The following RNF150 variants were observed in gnomAD, a reference collection of about 807,000 sequenced individuals.
RNF150 encodes ring finger protein 150.
RNF150 carries 24 observed loss-of-function variants against 39.3 expected under a neutral mutation model. The ratio of observed to expected loss-of-function variants is 0.61; its 90% CI spans 0.44 to 0.86. RNF150 has a LOEUF of 0.86. Ranked by LOEUF, RNF150 falls within the 40% of genes least tolerant of loss-of-function variation. The pLI is 0.00. For synonymous variants in RNF150, 255 were observed against 227.3 expected, an observed-to-expected ratio of 1.12 and a Z score of -1.10; for missense variants, 502 against 587.8, an observed-to-expected ratio of 0.85 and a Z score of 1.51.
chr4:141,052,620 C>T (rs964511977), intron 1 of RNF150, among the ~76,000 whole-genome samples: 4 of 152,178 alleles, frequency 2.6e-5, no homozygotes, highest in African/African-American at 9.7e-5. Flanking sequence ...AGGTGATCCA[C>T]CTGCCTTGGC....
chr4:140,869,968 G>A (rs193231953), intron 6 of RNF150, among the ~76,000 whole-genome samples: 15 of 152,220 alleles, frequency 9.9e-5, no homozygotes, highest in Non-Finnish European at 8.8e-5. Flanking sequence ...CAACAAAAAT[G>A]TATAAGTACT....
At chr4:141,030,655 G>A (rs997379487) in intron 1 of RNF150, among the ~76,000 whole-genome samples, 6 of 152,146 alleles carry the variant, frequency 3.9e-5, no homozygotes, top group African/African-American at 1.4e-4. Flanking sequence ...ACACATGATT[G>A]TCAAGTGTTA....
At chr4:141,089,753 T>TGGAATATTTACCAAATTATACCC (rs1738507389) in intron 1 of RNF150, among the ~76,000 whole-genome samples, 1 of 152,220 alleles carries the variant, frequency 6.6e-6, no homozygotes, top group African/African-American at 2.4e-5. Flanking sequence ...TCTCTAATCT[T>TGGAATATTTACCAAATTATACCC]GGAATATTTA....
chr4:141,132,599 C>T lies in RNF150; in HGVS notation c.210G>A (p.Glu70=). The T allele has an allele frequency of 1.3e-6, 2 of 1,563,518 alleles. No individual in the cohort carries two copies. Among genetic ancestry groups the T allele is most frequent in the South Asian group, 1.2e-5 (1 of 85,168 alleles). The change falls in exon 1 of 7, where the codon GAG becomes GAA. Residue 70 remains glutamate, a synonymous_variant. Coordinates refer to ENST00000515673, the MANE Select transcript of RNF150 (RefSeq NM_020724.2). The surrounding 1 kb of genome is among the most constrained non-coding windows in gnomAD (Gnocchi z 4.9). ...CTCCGTAGCGCCCGCACTCCGTCTTCTCCGTGTGCAGCTCCGCGCCGCCGC... is the reference window on the plus strand; with the variant it reads ...CTCCGTAGCGCCCGCACTCCGTCTTTTCCGTGTGCAGCTCCGCGCCGCCGC... ...AGGGGAELHT[E]KTECGRYGEH...
intron 5 of RNF150, among the ~76,000 whole-genome samples, chr4:140,920,654 A>T (rs990604185): frequency 4.6e-5 from 7 of 150,982 alleles, no homozygotes; most frequent in African/African-American, 1.5e-4. Context: ...CTAGTACTAG[A>T]AATACCATTT....
chr4:140,894,913 A>C (rs74994274), intron 6 of RNF150, among the ~76,000 whole-genome samples: 24,006 of 152,114 alleles, frequency 0.16, 2,294 homozygotes, highest in East Asian at 0.36. Context: ...TAACTTGCTC[A>C]TCTGGGGCTG....
chr4:141,101,977 T>C (rs1739028612), intron 1 of RNF150, among the ~76,000 whole-genome samples: 1 of 152,072 alleles, frequency 6.6e-6, no homozygotes, highest in South Asian at 2.1e-4. Context: ...AGATGGGATT[T>C]CACCATGTTG....
rs569082977 is a variant in RNF150, at chr4:141,159,416, C to G, written c.-6+53378G>C. 8.5e-5 allele frequency among the ~76,000 whole-genome samples: 13 copies of G among 152,280 alleles called. No individual in the cohort carries two copies. The South Asian group carries it at 2.7e-3, about 32-fold the overall frequency. On this transcript the variant is annotated intron_variant, in intron 1 of 7. Transcript: ENST00000420921. The stretch of plus-strand genomic sequence containing the variant: ...CCAAACAATTTAAAATCTAAAAACT[C>G]TCAGCCATATGAGTTTTGTACATAG...
At chr4:141,082,749 C>CG (rs1738208527) in intron 1 of RNF150, among the ~76,000 whole-genome samples, 1 of 151,802 alleles carries the variant, frequency 6.6e-6, no homozygotes, top group African/African-American at 2.4e-5. Flanking sequence ...CCACTACGCC[C>CG]GGCTAATTTT....
chr4:141,041,081 C>T (rs1736347988), intron 1 of RNF150, among the ~76,000 whole-genome samples: 1 of 151,980 alleles, frequency 6.6e-6, no homozygotes, highest in Admixed American at 6.6e-5. Flanking sequence ...TTACTATAAA[C>T]ATTCATTTAA....
chr4:140,865,214 C>A lies in RNF150; in HGVS notation c.*3047G>T, dbSNP rs1167411240. 6.6e-6 allele frequency: 1 copy of A among 152,086 alleles called. No individual in the cohort carries two copies. The highest frequency in any genetic ancestry group is 1.5e-5 in the Non-Finnish European group (1 of 68,014). The allele number at this position is 152,086 out of a possible 1,614,324, so 9.4% of individuals were successfully genotyped here. On this transcript the variant is annotated 3_prime_UTR_variant, in exon 7 of 7. Transcript: ENST00000515673. ...AATTTACATTAGTGACATGTTGAAA[C>A]AATATTAGGTTAAAGTACATGATTA...
Position 141,132,231 on chromosome 4 carries a change from A to G in RNF150, c.484+94T>C. The G allele has an allele frequency of 7.6e-7, 1 of 1,323,576 alleles. No homozygotes were observed. Among genetic ancestry groups the G allele is most frequent in the East Asian group, 2.5e-5 (1 of 39,586 alleles). 82.0% of individuals were successfully genotyped at this position (1,323,576 alleles called of 1,614,324 possible). On this transcript the variant is annotated intron_variant, in intron 1 of 6. Transcript: ENST00000515673. This position sits in a 1 kb window ranked among gnomAD's most constrained non-coding sequence, Gnocchi z 4.9. Reference sequence around the variant, plus strand: ...CAGACACGTCTTCCGCGCCGCACGGACTTCCCAGAAGGAGCCTGGAGGCAG... The same window carrying G: ...CAGACACGTCTTCCGCGCCGCACGGGCTTCCCAGAAGGAGCCTGGAGGCAG...
intron 1 of RNF150, among the ~76,000 whole-genome samples, chr4:141,181,817 C>A (rs1727913811): frequency 6.6e-6 from 1 of 152,160 alleles, no homozygotes; most frequent in Non-Finnish European, 1.5e-5. Flanking sequence ...CCACTCATGT[C>A]ATACCAATGG....
intron 1 of RNF150, among the ~76,000 whole-genome samples, chr4:141,017,342 G>C (rs974841411): frequency 6.6e-6 from 1 of 151,916 alleles, no homozygotes; most frequent in Non-Finnish European, 1.5e-5. Context: ...TATTTTTTTA[G>C]AGCAGTTTTG....
chr4:141,048,273 C>T (rs1365697701), intron 1 of RNF150, among the ~76,000 whole-genome samples: 2 of 152,182 alleles, frequency 1.3e-5, no homozygotes, highest in African/African-American at 4.8e-5. Flanking sequence ...AATGGCTAAA[C>T]TGTAAGCTAA....
chr4:141,119,112 A>C (rs553862044), intron 1 of RNF150, among the ~76,000 whole-genome samples: 1 of 152,324 alleles, frequency 6.6e-6, no homozygotes, highest in Admixed American at 6.5e-5. Context: ...TTACTATAAC[A>C]AAAGGCTAAT....
chr4:141,002,246 ATTT>A (rs539231948), intron 1 of RNF150, among the ~76,000 whole-genome samples: 11,518 of 147,864 alleles, frequency 0.078, 488 homozygotes, highest in Middle Eastern at 0.16. Context: ...GTTTTCCTAG[ATTT>A]TTTTTTTTTA....
intron 1 of RNF150, chr4:141,053,689 G>C: frequency 7.1e-7 from 1 of 1,406,440 alleles, no homozygotes; most frequent in Admixed American, 2.7e-5. Flanking sequence ...ATATGGGCAT[G>C]GTGAAATCAG....
chr4:140,892,763 G>C (rs1729800416), intron 6 of RNF150, among the ~76,000 whole-genome samples: 1 of 151,476 alleles, frequency 6.6e-6, no homozygotes, highest in Non-Finnish European at 1.5e-5. Context: ...GTACCCTAGA[G>C]TAAAAGGTCT....
Sources: allele counts gnomAD v4.1 joint callset (sites outside exome capture counted in the v4.1 genomes callset), GRCh38; gene constraint gnomAD v4.1.1; non-coding constraint Gnocchi (gnomAD v3.1); transcripts MANE v1.5; gene names NCBI Gene and HGNC (gene_info 2026-07-23, HGNC 2026-07-21).